GSN: variants seen among roughly 807,000 people sequenced by gnomAD.
GSN encodes actin-depolymerizing factor.
In GSN, 56 loss-of-function variants were observed where a neutral mutation model predicts 85.7. The ratio of observed to expected loss-of-function variants is 0.65; its 90% CI spans 0.53 to 0.82. The LOEUF (loss-of-function observed/expected upper bound fraction) is 0.82, where lower values mean the gene tolerates loss of function less well. Ranked by LOEUF, GSN falls within the 40% of genes least tolerant of loss-of-function variation. The pLI, the probability that GSN is intolerant of heterozygous loss-of-function variation, is 0.00. For synonymous variants in GSN, 373 were observed against 399.1 expected (o/e 0.93, Z 0.78); for missense variants, 857 against 979.8 (o/e 0.87, Z 1.67).
In GSN at chr9:121,299,661, G is replaced by A; in HGVS notation, c.-9-2302G>A. 1.5e-6 allele frequency: 1 copy of A among 664,104 alleles called. No homozygotes were observed. Among genetic ancestry groups the A allele is most frequent in the East Asian group, 5.3e-5 (1 of 18,868 alleles). The allele number at this position is 664,104 out of a possible 1,614,324, so 41.1% of individuals were successfully genotyped here. ...GGCCTGGTGCTGGGTCTCCGCCCCGGAGCTGGGGTGCAGGGGCTGCCGCGC... is the reference window on the plus strand; with the variant it reads ...GGCCTGGTGCTGGGTCTCCGCCCCGAAGCTGGGGTGCAGGGGCTGCCGCGC... On this transcript the variant is annotated intron_variant, in intron 2 of 17. Coordinates refer to ENST00000432226, the MANE Select transcript of GSN (RefSeq NM_198252.3). This position sits in a 1 kb window ranked among gnomAD's most constrained non-coding sequence, Gnocchi z 4.2.
intron 4 of GSN, among the ~76,000 whole-genome samples, chr9:121,221,613 TA>T (rs2054171642): frequency 6.6e-6 from 1 of 152,240 alleles, no homozygotes. Flanking sequence ...GTTCGAGTGC[TA>T]GAGTGACCCC....
intron 5 of GSN, among the ~76,000 whole-genome samples, chr9:121,241,229 A>C (rs773441473): frequency 6.6e-6 from 1 of 152,232 alleles, no homozygotes; most frequent in East Asian, 1.9e-4. Context: ...TTGGAGGCGT[A>C]AAAGACAAAG....
At chr9:121,255,057 T>G (rs1171843751) in intron 6 of GSN, among the ~76,000 whole-genome samples, 1 of 152,058 alleles carries the variant, frequency 6.6e-6, no homozygotes, top group African/African-American at 2.4e-5. Flanking sequence ...CACACCATTC[T>G]CCTCCCTCAG....
chr9:121,314,964 C>G (rs1386029291), intron 7 of GSN, among the ~76,000 whole-genome samples: 1 of 152,164 alleles, frequency 6.6e-6, no homozygotes, highest in Non-Finnish European at 1.5e-5. Flanking sequence ...CGGGCTCAAG[C>G]GATCTCTTGC....
At chr9:121,324,726 C>T (rs976943157) in intron 12 of GSN, 82 bp downstream of exon 12, 10 of 732,954 alleles carry the variant, frequency 1.4e-5, no homozygotes, top group African/African-American at 8.6e-5. Context: ...CTCATCCATC[C>T]ATTCGTTTGT....
At chr9:121,267,705 G>A (rs1052466621), upstream of GSN, among the ~76,000 whole-genome samples, 1 of 152,152 alleles carries the variant, frequency 6.6e-6, no homozygotes, top group Non-Finnish European at 1.5e-5. Flanking sequence ...CCTTCCGTGG[G>A]AGGGAATCTC....
In GSN at chr9:121,318,367, G is replaced by A. The variant is rs373513978; in HGVS notation, c.887-39G>A. ...AAGGTCAGGATGCAGCAGGATCCCG[G>A]GCCTCTAACCCTCCATCACTTCCTC... On this transcript the variant is annotated intron_variant, in intron 8 of 17. Transcript: ENST00000432226. This position sits in a 1 kb window ranked among gnomAD's most constrained non-coding sequence, Gnocchi z 4.3. 2.0e-5 allele frequency: 30 copies of A among 1,501,542 alleles called. No homozygotes were observed. The highest frequency in any genetic ancestry group is 2.7e-5 in the Non-Finnish European group (29 of 1,077,352). 93.0% of individuals were successfully genotyped at this position (1,501,542 alleles called of 1,614,324 possible).
chr9:121,332,719 T>TGTGTGTGTG lies in GSN; in HGVS notation c.*116_*117insGTGTGTGTG. On this transcript the variant is annotated 3_prime_UTR_variant, in exon 18 of 18. Transcript: ENST00000432226. This position sits in a 1 kb window ranked among gnomAD's most constrained non-coding sequence, Gnocchi z 4.8. ...CTATGAGTGTGTGTGTGTGTGTGTG[T>TGTGTGTGTG]TGTTTCTTTTTTTTTTTTTTACAGT... is the stretch of plus-strand genomic sequence containing the variant. The TGTGTGTGTG allele has an allele frequency of 1.4e-6, 1 of 720,940 alleles. No homozygotes were observed. The highest frequency in any genetic ancestry group is 1.9e-5 in the South Asian group (1 of 51,652). The allele number at this position is 720,940 out of a possible 1,614,324, so 44.7% of individuals were successfully genotyped here. A position where few individuals can be genotyped will look rare whatever the true frequency, so the allele number is the denominator to read the frequency against.
At chr9:121,313,584 G>T (rs1261889072) in intron 6 of GSN, 12 of 359,944 alleles carry the variant, frequency 3.3e-5, no homozygotes, top group African/African-American at 2.3e-4. Flanking sequence ...GTGCCTCCTG[G>T]CCTGGCTGCG....
intron 1 of GSN, among the ~76,000 whole-genome samples, chr9:121,272,504 G>A (rs374643488): frequency 1.3e-5 from 2 of 152,172 alleles, no homozygotes; most frequent in South Asian, 2.1e-4. Flanking sequence ...ACTTGGGTCC[G>A]GCATGTCTGA....
chr9:121,210,249 G>A (rs978246597), exon 3 of GSN: 3 of 152,168 alleles, frequency 2.0e-5, no homozygotes, highest in Non-Finnish European at 2.9e-5. Flanking sequence ...TCAGGCTGAC[G>A]GAGCACGCTG....
chr9:121,208,638 T>C (rs75084271), intron 1 of GSN, among the ~76,000 whole-genome samples: 13,094 of 152,276 alleles, frequency 0.086, 599 homozygotes, highest in Non-Finnish European at 0.11. Context: ...CATGCCTTCC[T>C]GTTAAGTGTA....
At chr9:121,297,530 A>T (rs767772164) in intron 2 of GSN, among the ~76,000 whole-genome samples, 9 of 152,180 alleles carry the variant, frequency 5.9e-5, no homozygotes, top group African/African-American at 2.2e-4. Flanking sequence ...CGGCCTTAAC[A>T]GTTTGGTGCT....
intron 4 of GSN, among the ~76,000 whole-genome samples, chr9:121,216,219 A>G (rs2054061564): frequency 6.6e-6 from 1 of 152,144 alleles, no homozygotes; most frequent in African/African-American, 2.4e-5. Context: ...AAGTTCTGGA[A>G]TTACAGACGT....
chr9:121,282,153 G>C (rs2057462277), intron 2 of GSN: 1 of 474,850 alleles, frequency 2.1e-6, no homozygotes, highest in Non-Finnish European at 4.0e-6. Flanking sequence ...GCAGAGTCCT[G>C]GGCTGGAAGC....
rs2061271321 is a variant in GSN, at chr9:121,312,500, G to A, written c.663+12G>A. The A allele has an allele frequency of 6.2e-7, 1 of 1,603,970 alleles. No homozygotes were observed. On this transcript the variant is annotated intron_variant, in intron 6 of 17. Transcript: ENST00000432226. ...AGGCGATGCTCCAGGTGCCTGTGGG[G>A]TGCGCAATGGGGTGGCCATGGGGAC...
chr9:121,290,857 G>A (rs772511515), intron 2 of GSN, among the ~76,000 whole-genome samples: 4 of 151,096 alleles, frequency 2.6e-5, no homozygotes, highest in Non-Finnish European at 5.9e-5. Context: ...TTTTAATATA[G>A]AGAGAGACAG....
intron 11 of GSN, 47 bp from the exon 12 acceptor site, chr9:121,324,507 C>T (rs1165305610): frequency 3.1e-6 from 3 of 964,792 alleles, no homozygotes; most frequent in East Asian, 5.2e-5. Context: ...GGGAGAGGCT[C>T]AGGGCTCTGT....
chr9:121,277,604 T>C (rs1376960092), intron 1 of GSN, among the ~76,000 whole-genome samples: 1 of 151,954 alleles, frequency 6.6e-6, no homozygotes, highest in African/African-American at 2.4e-5. Context: ...ATCTGACTTA[T>C]CTGTCTATTT....
Sources: gnomAD v4.1 joint callset for allele counts (sites outside exome capture counted in the v4.1 genomes callset) on GRCh38, gnomAD v4.1.1 for gene constraint, Gnocchi (gnomAD v3.1) non-coding constraint, MANE v1.5 for transcripts, NCBI Gene and HGNC (gene_info 2026-07-23, HGNC 2026-07-21) for gene names.